The following SLC24A2 variants were observed in gnomAD, a reference collection of about 807,000 sequenced individuals.
The protein encoded by SLC24A2 is solute carrier family 24 member 2.
Under a neutral mutation model 62.0 loss-of-function variants are expected in SLC24A2, and 36 were observed. That is an observed-to-expected ratio of 0.58 (90% CI 0.44 to 0.77). The LOEUF is 0.77. Among genes scored for constraint, SLC24A2 ranks in the 30% least tolerant of loss-of-function variants. The pLI is 0.00. For synonymous variants in SLC24A2, 358 were observed against 294.0 expected (o/e 1.22, Z -2.23); for missense variants, 846 against 817.9 (o/e 1.03, Z -0.42).
At chr9:19,636,341 TTC>T (rs1818342130) in intron 2 of SLC24A2, among the ~76,000 whole-genome samples, 1 of 35,914 alleles carries the variant, frequency 2.8e-5, no homozygotes, top group Admixed American at 3.1e-4. Context: ...CTTTCTTTCT[TTC>T]TTTCTTTCTT....
chr9:19,728,756 T>C (rs1405642954), intron 2 of SLC24A2, among the ~76,000 whole-genome samples: 1 of 152,216 alleles, frequency 6.6e-6, no homozygotes, highest in Non-Finnish European at 1.5e-5. Context: ...AATTTTTGTA[T>C]AGCCAGAGAC....
the SLC24A2 span, among the ~76,000 whole-genome samples, chr9:19,975,619 C>T: frequency 6.6e-6 from 1 of 152,148 alleles, no homozygotes; most frequent in Non-Finnish European, 1.5e-5. Context: ...AGTAGGCATC[C>T]AAAACAGATG....
At chr9:20,101,403 A>G in the SLC24A2 span, among the ~76,000 whole-genome samples, 1 of 152,250 alleles carries the variant, frequency 6.6e-6, no homozygotes, top group South Asian at 2.1e-4. Flanking sequence ...GGTACTTTCT[A>G]TATAGTGTCT....
chr9:19,782,854 A>G (rs1823055433), intron 2 of SLC24A2, among the ~76,000 whole-genome samples: 1 of 152,184 alleles, frequency 6.6e-6, no homozygotes, highest in Admixed American at 6.5e-5. Flanking sequence ...AGAGAGTTAA[A>G]ATGACTTCTC....
At chr9:19,848,233 G>GT in the SLC24A2 span, among the ~76,000 whole-genome samples, 1 of 152,204 alleles carries the variant, frequency 6.6e-6, no homozygotes, top group Admixed American at 6.5e-5. Flanking sequence ...GTTTTGTTTT[G>GT]TTTTTTAATT....
the SLC24A2 span, among the ~76,000 whole-genome samples, chr9:19,925,704 T>G: frequency 2.0e-5 from 3 of 152,188 alleles, no homozygotes; most frequent in African/African-American, 7.2e-5. Context: ...GTTCCCTGAC[T>G]AGGGAGTGGA....
the SLC24A2 span, among the ~76,000 whole-genome samples, chr9:19,794,060 T>A: frequency 6.6e-6 from 1 of 152,174 alleles, no homozygotes; most frequent in African/African-American, 2.4e-5. Context: ...CAGAAAAAAA[T>A]TTCTGTGGGA....
At chr9:19,844,457 T>C in the SLC24A2 span, among the ~76,000 whole-genome samples, 2 of 152,194 alleles carry the variant, frequency 1.3e-5, no homozygotes, top group Non-Finnish European at 2.9e-5. Flanking sequence ...TTTTTCATTC[T>C]ATAGGCTGTC....
At chr9:19,724,790 T>G (rs1205188723) in intron 2 of SLC24A2, among the ~76,000 whole-genome samples, 1 of 152,184 alleles carries the variant, frequency 6.6e-6, no homozygotes, top group African/African-American at 2.4e-5. Context: ...GCACAAATTT[T>G]GACATATTTA....
At chr9:20,029,534 T>G in the SLC24A2 span, among the ~76,000 whole-genome samples, 1 of 152,166 alleles carries the variant, frequency 6.6e-6, no homozygotes, top group Non-Finnish European at 1.5e-5. Context: ...GGCTGTGATA[T>G]TCTCACCCCA....
At chr9:20,032,005 T>A in the SLC24A2 span, among the ~76,000 whole-genome samples, 2 of 152,128 alleles carry the variant, frequency 1.3e-5, no homozygotes, top group African/African-American at 4.8e-5. Flanking sequence ...ATCTTATGAG[T>A]CAGTGTCTGC....
chr9:19,989,346 G>C, the SLC24A2 span, among the ~76,000 whole-genome samples: 1 of 152,034 alleles, frequency 6.6e-6, no homozygotes, highest in East Asian at 1.9e-4. Context: ...ACTACAATGA[G>C]AATGAGTCGC....
the SLC24A2 span, among the ~76,000 whole-genome samples, chr9:20,258,996 G>A: frequency 0.024 from 3,700 of 152,002 alleles, 72 homozygotes; most frequent in Non-Finnish European, 0.037. Flanking sequence ...GTGGTTAAAG[G>A]GACTATTAAA....
At chr9:20,056,315 C>G in the SLC24A2 span, among the ~76,000 whole-genome samples, 205 of 152,146 alleles carry the variant, frequency 1.3e-3, no homozygotes, top group African/African-American at 4.6e-3. Context: ...CTATATTTTT[C>G]AGATTCAAAG....
At chr9:19,834,182 A>G in the SLC24A2 span, among the ~76,000 whole-genome samples, 23 of 152,154 alleles carry the variant, frequency 1.5e-4, no homozygotes, top group African/African-American at 5.6e-4. Flanking sequence ...TCCTCCTCCA[A>G]AGGAACGCAG....
chr9:20,088,749 C>A, the SLC24A2 span, among the ~76,000 whole-genome samples: 1 of 151,732 alleles, frequency 6.6e-6, no homozygotes, highest in Non-Finnish European at 1.5e-5. Context: ...TCCCATTCCT[C>A]CTCGTTGGGC....
chr9:19,757,930 T>A (rs1373191740), intron 2 of SLC24A2, among the ~76,000 whole-genome samples: 1 of 152,150 alleles, frequency 6.6e-6, no homozygotes, highest in Admixed American at 6.6e-5. Flanking sequence ...CTCCTTGGGT[T>A]TCTCTCTGCA....
At chr9:20,186,942 A>G in the SLC24A2 span, among the ~76,000 whole-genome samples, 1 of 152,076 alleles carries the variant, frequency 6.6e-6, no homozygotes, top group Non-Finnish European at 1.5e-5. Flanking sequence ...GAGCATGGGG[A>G]TCAAGTTCTG....
chr9:20,292,171 G>A, the SLC24A2 span, among the ~76,000 whole-genome samples: 6 of 152,186 alleles, frequency 3.9e-5, no homozygotes, highest in Admixed American at 1.3e-4. Flanking sequence ...ACTTGCTTGT[G>A]CAGGGGGAAA....
Sources: allele counts gnomAD v4.1 joint callset (sites outside exome capture counted in the v4.1 genomes callset), GRCh38; gene constraint gnomAD v4.1.1; transcripts MANE v1.5; gene names NCBI Gene and HGNC (gene_info 2026-07-23, HGNC 2026-07-21).